LNPK: variants seen among roughly 807,000 people sequenced by gnomAD.
The protein encoded by LNPK is endoplasmic reticulum junction formation protein lunapark.
LNPK carries 29 observed loss-of-function variants against 55.2 expected under a neutral mutation model. The observed-to-expected ratio is 0.53, with a 90% CI of 0.39 to 0.72. The LOEUF (loss-of-function observed/expected upper bound fraction) is 0.72, where lower values mean the gene tolerates loss of function less well. LNPK is among the 30% of genes least tolerant of loss of function. The pLI, the probability that LNPK is intolerant of heterozygous loss-of-function variation, is 0.00. For missense variants in LNPK, 467 were observed against 494.8 expected, an observed-to-expected ratio of 0.94 and a Z score of 0.53; for synonymous variants, 162 against 168.2, an observed-to-expected ratio of 0.96 and a Z score of 0.29.
chr2:175,950,314 T>C (rs1054781132), intron 8 of LNPK, among the ~76,000 whole-genome samples: 6 of 152,058 alleles, frequency 3.9e-5, no homozygotes, highest in Admixed American at 3.9e-4. Context: ...AAAACATACA[T>C]AGGAGGAATA....
chr2:175,964,587 A>G lies in LNPK; in HGVS notation c.360T>C (p.Leu120=). ...AAGTTTCTTTTTCCATGACTTCTTC[A>G]AGCTACGAACAAAAATTTCCATAAA... ...DDLKSQRKKI[L]EEVMEKETYK... is the part of the protein sequence containing the mutation. Residue 120 remains leucine (L), a splice_region_variant and synonymous_variant, in exon 7 of 13, where the codon CTT becomes CTC. Transcript: ENST00000272748. 6.3e-7 allele frequency: 1 copy of G among 1,585,400 alleles called. No individual in the cohort carries two copies. Among genetic ancestry groups the G allele is most frequent in the Non-Finnish European group, 8.7e-7 (1 of 1,155,886 alleles).
At chr2:175,983,221 A>G (rs753599063) in intron 4 of LNPK, among the ~76,000 whole-genome samples, 1 of 152,250 alleles carries the variant, frequency 6.6e-6, no homozygotes, top group Non-Finnish European at 1.5e-5. Flanking sequence ...GAAGGCAGGA[A>G]TTAAAAAGAA....
chr2:175,980,457 G>A (rs1381191651), intron 4 of LNPK, among the ~76,000 whole-genome samples: 2 of 152,138 alleles, frequency 1.3e-5, no homozygotes, highest in Non-Finnish European at 2.9e-5. Context: ...ATTTTATAAG[G>A]ATAATTCTTT....
intron 8 of LNPK, among the ~76,000 whole-genome samples, chr2:175,948,221 C>A (rs898187515): frequency 4.6e-5 from 7 of 152,170 alleles, no homozygotes; most frequent in African/African-American, 1.7e-4. Flanking sequence ...ATCCTTTTGG[C>A]AAATTTGTTT....
chr2:175,984,633 G>A (rs1428897402), intron 4 of LNPK, among the ~76,000 whole-genome samples: 1 of 151,900 alleles, frequency 6.6e-6, no homozygotes, highest in African/African-American at 2.4e-5. Flanking sequence ...CAGCCATTAG[G>A]GAAACAAAAA....
intron 4 of LNPK, among the ~76,000 whole-genome samples, chr2:175,982,722 A>G (rs185244150): frequency 8.5e-5 from 13 of 152,300 alleles, no homozygotes; most frequent in African/African-American, 2.4e-4. Context: ...AAAATTTAGA[A>G]AAAGAACTAA....
intron 4 of LNPK, among the ~76,000 whole-genome samples, chr2:175,987,025 T>C (rs112935209): frequency 4.6e-5 from 7 of 151,482 alleles, no homozygotes; most frequent in African/African-American, 1.7e-4. Flanking sequence ...TATTGCTATT[T>C]ACAGATTATA....
At chr2:175,953,303 TA>T (rs1363591062) in intron 8 of LNPK, among the ~76,000 whole-genome samples, 1 of 152,118 alleles carries the variant, frequency 6.6e-6, no homozygotes, top group Non-Finnish European at 1.5e-5. Context: ...CATATTCCAA[TA>T]ATAATCACCT....
rs6706114 is a variant in LNPK at position 175,954,982 on chromosome 2, G to C, written c.494-7290C>G. 5.4e-3 allele frequency among the ~76,000 whole-genome samples: 829 copies of C among 152,226 alleles called. 6 individuals carry two copies. The highest frequency in any genetic ancestry group is 0.019 in the African/African-American group (792 of 41,530). ...AACAAAGTACTATAGAGTGAAGTGA[G>C]GACTTCACAAGAGGTGAGGACTGAC... On this transcript the variant is annotated intron_variant, in intron 8 of 12. Transcript: ENST00000272748.
chr2:175,953,360 T>C (rs915009086), intron 8 of LNPK, among the ~76,000 whole-genome samples: 3 of 152,262 alleles, frequency 2.0e-5, no homozygotes, highest in Admixed American at 2.0e-4. Context: ...ACCTCAACCT[T>C]TCTCCTGAGC....
chr2:175,939,042 A>G (rs1684685139), intron 10 of LNPK, among the ~76,000 whole-genome samples: 1 of 152,150 alleles, frequency 6.6e-6, no homozygotes, highest in Admixed American at 6.5e-5. Flanking sequence ...ATTAATTAGG[A>G]GCGCTGTCAA....
At chr2:175,974,501 G>A (rs1686811275) in intron 5 of LNPK, among the ~76,000 whole-genome samples, 1 of 152,134 alleles carries the variant, frequency 6.6e-6, no homozygotes, top group Non-Finnish European at 1.5e-5. Flanking sequence ...CGCAGCTAAA[G>A]ACAGCATGAC....
chr2:175,993,004 C>A (rs1464092118), intron 3 of LNPK, among the ~76,000 whole-genome samples, 178 bp downstream of exon 3: 2 of 152,156 alleles, frequency 1.3e-5, no homozygotes, highest in East Asian at 3.8e-4. Context: ...AAACAGACTT[C>A]TTAAGTCACG....
chr2:175,977,096 C>T (rs1686945889), intron 5 of LNPK, among the ~76,000 whole-genome samples: 1 of 152,170 alleles, frequency 6.6e-6, no homozygotes, highest in South Asian at 2.1e-4. Flanking sequence ...GCCTACTAAA[C>T]TCCTAAGTGG....
Position 175,979,790 on chromosome 2 carries a change from A to C in LNPK, c.316+20T>G. On this transcript the variant is annotated intron_variant, in intron 5 of 12. Transcript: ENST00000272748. Reference sequence around the variant, plus strand: ...TAGGTATTTTAAAAAATATTTATTAAAAATTGGAATTAAACTTACTATTTC... The same window carrying C: ...TAGGTATTTTAAAAAATATTTATTACAAATTGGAATTAAACTTACTATTTC... The C allele has an allele frequency of 6.7e-7, 1 of 1,500,072 alleles. No individual in the cohort carries two copies. The highest frequency in any genetic ancestry group is 9.0e-7 in the Non-Finnish European group (1 of 1,115,700). 92.9% of individuals were successfully genotyped at this position (1,500,072 alleles called of 1,614,324 possible). A position where few individuals can be genotyped will look rare whatever the true frequency, so the allele number is the denominator to read the frequency against.
intron 8 of LNPK, among the ~76,000 whole-genome samples, chr2:175,955,951 T>G (rs925848123): frequency 6.6e-6 from 1 of 152,056 alleles, no homozygotes; most frequent in Non-Finnish European, 1.5e-5. Context: ...AATGTATAGG[T>G]GGTGTCCTCC....
At chr2:175,974,901 C>T (rs1299331779) in intron 5 of LNPK, among the ~76,000 whole-genome samples, 1 of 151,788 alleles carries the variant, frequency 6.6e-6, no homozygotes, top group Non-Finnish European at 1.5e-5. Context: ...AAAAAAAATC[C>T]CTTTCATAAC....
chr2:175,976,847 T>G (rs919404611), intron 5 of LNPK, among the ~76,000 whole-genome samples: 3 of 152,220 alleles, frequency 2.0e-5, no homozygotes, highest in African/African-American at 4.8e-5. Context: ...GTCTCCAGCT[T>G]GCTAACTGCA....
intron 4 of LNPK, among the ~76,000 whole-genome samples, chr2:175,982,078 G>C (rs773927563): frequency 1.3e-5 from 2 of 152,118 alleles, no homozygotes; most frequent in South Asian, 4.2e-4. Context: ...TCCTTACCAA[G>C]GGAAGGGAGA....
Sources: allele counts gnomAD v4.1 joint callset (sites outside exome capture counted in the v4.1 genomes callset), GRCh38; gene constraint gnomAD v4.1.1; transcripts MANE v1.5; gene names NCBI Gene and HGNC (gene_info 2026-07-23, HGNC 2026-07-21).